Variants in TENM2 observed in about 807,000 individuals in gnomAD.
TENM2 encodes teneurin-2.
In TENM2, 52 loss-of-function variants were observed where a neutral mutation model predicts 245.2. The observed-to-expected ratio is 0.21, with a 90% CI of 0.17 to 0.27. The LOEUF is 0.27. Ranked by LOEUF, TENM2 falls within the 10% of genes least tolerant of loss-of-function variation. The pLI is 1.00. For missense variants in TENM2, 3,046 were observed against 3,666.8 expected, an observed-to-expected ratio of 0.83 and a Z score of 4.37; for synonymous variants, 1,363 against 1,438.9, an observed-to-expected ratio of 0.95 and a Z score of 1.19.
chr5:167,111,072 A>G, the TENM2 span, among the ~76,000 whole-genome samples: 1 of 152,214 alleles, frequency 6.6e-6, no homozygotes, highest in Admixed American at 6.5e-5. Context: ...TTGACTAACA[A>G]AAAGCACTGA....
At chr5:167,778,583 T>C (rs892984868) in intron 2 of TENM2, among the ~76,000 whole-genome samples, 3 of 152,194 alleles carry the variant, frequency 2.0e-5, no homozygotes, top group African/African-American at 7.2e-5. Context: ...GAATTTCATA[T>C]AGTCCTTTAA....
chr5:167,156,953 A>G, the TENM2 span, among the ~76,000 whole-genome samples: 1 of 152,204 alleles, frequency 6.6e-6, no homozygotes, highest in Non-Finnish European at 1.5e-5. Context: ...TGTTTACATA[A>G]TACTGTGGTA....
intron 1 of TENM2, among the ~76,000 whole-genome samples, chr5:167,364,873 T>G (rs780385247): frequency 1.3e-5 from 2 of 151,852 alleles, no homozygotes; most frequent in Non-Finnish European, 2.9e-5. Flanking sequence ...AAACTACAGA[T>G]TTAACTCTTT....
chr5:168,242,636 C>G (rs1182995419), intron 25 of TENM2, among the ~76,000 whole-genome samples: 2 of 152,128 alleles, frequency 1.3e-5, no homozygotes, highest in East Asian at 3.9e-4. Context: ...TGTATATATT[C>G]GTCCTCAGCA....
At chr5:167,581,478 T>C (rs1200448384) in intron 2 of TENM2, among the ~76,000 whole-genome samples, 1 of 152,172 alleles carries the variant, frequency 6.6e-6, no homozygotes, top group African/African-American at 2.4e-5. Flanking sequence ...ATATAGTACA[T>C]AAACTGAAAA....
chr5:168,134,880 T>C (rs1218560786), intron 12 of TENM2, among the ~76,000 whole-genome samples: 1 of 152,234 alleles, frequency 6.6e-6, no homozygotes, highest in Admixed American at 6.5e-5. Context: ...TTACCCGGAA[T>C]GGAACCTGCT....
chr5:168,061,999 T>C (rs1488383066), intron 6 of TENM2, 61 bp from the exon 9 acceptor site: 2 of 1,436,858 alleles, frequency 1.4e-6, no homozygotes, highest in East Asian at 4.9e-5. Context: ...ATTAAACAAA[T>C]ATAGAGCCAA....
chr5:166,981,101 A>G, the TENM2 span, among the ~76,000 whole-genome samples: 1 of 152,220 alleles, frequency 6.6e-6, no homozygotes, highest in African/African-American at 2.4e-5. Context: ...GTAGAAAAAA[A>G]CCTACTCTAA....
exon 1 of TENM2, chr5:167,284,878 G>A (rs1771245930): frequency 6.4e-7 from 1 of 1,551,660 alleles, no homozygotes; most frequent in Admixed American, 2.0e-5. Context: ...TTGACCAGAG[G>A]ACGCTGTGGC....
At chr5:167,534,923 T>A (rs542867405) in intron 2 of TENM2, among the ~76,000 whole-genome samples, 20 of 152,290 alleles carry the variant, frequency 1.3e-4, no homozygotes, top group African/African-American at 3.9e-4. Flanking sequence ...CTTAACATGA[T>A]TCCTTCTTTC....
chr5:167,643,979 A>AT (rs749895323), intron 2 of TENM2, among the ~76,000 whole-genome samples: 2 of 152,036 alleles, frequency 1.3e-5, no homozygotes, highest in African/African-American at 2.4e-5. Flanking sequence ...TGCTGATTTC[A>AT]TTTTTTTCAT....
chr5:167,539,579 G>T (rs1772064428), intron 2 of TENM2, among the ~76,000 whole-genome samples: 3 of 152,136 alleles, frequency 2.0e-5, no homozygotes, highest in African/African-American at 7.2e-5. Context: ...TTTGGAGAAA[G>T]GTTTCCTACC....
rs185619765 is a variant in TENM2 at position 168,127,275 on chromosome 5, T to A, written c.2422+309T>A. The stretch of plus-strand genomic sequence containing the variant: ...GTCTGGGGGTTGCAAGCACCTCAAA[T>A]CACTGTGGTCTGCAACTCTCCCCTT... On this transcript the variant is annotated intron_variant, in intron 12 of 28. Transcript: ENST00000518659. 1.8e-3 allele frequency among the ~76,000 whole-genome samples: 271 copies of A among 152,294 alleles called. 1 individual carries two copies. Among genetic ancestry groups the A allele is most frequent in the African/African-American group, 6.0e-3 (250 of 41,562 alleles).
intron 6 of TENM2, among the ~76,000 whole-genome samples, chr5:168,050,661 C>A (rs548465438): frequency 3.3e-5 from 5 of 152,218 alleles, no homozygotes; most frequent in Admixed American, 6.5e-5. Context: ...ATAGAGATTT[C>A]ATTACCTGGT....
the TENM2 span, among the ~76,000 whole-genome samples, chr5:167,175,172 A>G: frequency 6.6e-6 from 1 of 152,352 alleles, no homozygotes; most frequent in Middle Eastern, 3.4e-3. Flanking sequence ...TGCTGTTTTA[A>G]GATGGGGAAC....
chr5:167,567,680 C>T (rs749719616), intron 2 of TENM2, among the ~76,000 whole-genome samples: 7 of 151,862 alleles, frequency 4.6e-5, no homozygotes, highest in Admixed American at 6.6e-5. Flanking sequence ...CTGGTTGATG[C>T]GCAGCATGTG....
At chr5:167,477,440 G>T (rs1016868804) in intron 2 of TENM2, among the ~76,000 whole-genome samples, 7 of 152,058 alleles carry the variant, frequency 4.6e-5, no homozygotes, top group East Asian at 1.9e-4. Context: ...TGGCGGGTGG[G>T]GGGGGAGGTC....
intron 1 of TENM2, chr5:167,309,661 C>T (rs1378227951): frequency 2.0e-5 from 3 of 152,016 alleles, no homozygotes. Context: ...TCACTCTTGT[C>T]AAAAAACACT....
the TENM2 span, among the ~76,000 whole-genome samples, chr5:167,154,883 C>A: frequency 6.6e-6 from 1 of 152,158 alleles, no homozygotes; most frequent in East Asian, 1.9e-4. Context: ...AGAAAGTACT[C>A]AATAGACATA....
Sources: gnomAD v4.1 joint callset for allele counts (sites outside exome capture counted in the v4.1 genomes callset) on GRCh38, gnomAD v4.1.1 for gene constraint, MANE v1.5 for transcripts, NCBI Gene and HGNC (gene_info 2026-07-23, HGNC 2026-07-21) for gene names.